Variants in LEKR1 observed in about 807,000 individuals in gnomAD.
LEKR1 encodes the protein leucine, glutamate and lysine rich 1, also known as protein LEKR1.
Under a neutral mutation model 72.4 loss-of-function variants are expected in LEKR1, and 59 were observed. The ratio of observed to expected loss-of-function variants is 0.82; its 90% CI spans 0.66 to 1.01. The LOEUF (loss-of-function observed/expected upper bound fraction) is 1.01. LEKR1 is among the 50% of genes least tolerant of loss of function. The pLI is 0.00. For synonymous variants in LEKR1, 257 were observed against 263.2 expected, an observed-to-expected ratio of 0.98 and a Z score of 0.23; for missense variants, 728 against 759.2, an observed-to-expected ratio of 0.96 and a Z score of 0.48.
intron 3 of LEKR1, among the ~76,000 whole-genome samples, chr3:156,917,163 T>C (rs528183931): frequency 1.3e-5 from 2 of 152,124 alleles, no homozygotes; most frequent in African/African-American, 4.8e-5. Flanking sequence ...ATAGCAGAAG[T>C]TAAAACTTTA....
chr3:157,021,002 T>C (rs1012077369), intron 10 of LEKR1, among the ~76,000 whole-genome samples: 1 of 151,766 alleles, frequency 6.6e-6, no homozygotes, highest in African/African-American at 2.4e-5. Flanking sequence ...CTCATTGTGG[T>C]TTTGATTTGC....
At chr3:156,926,629 C>G (rs1724740733) in intron 4 of LEKR1, among the ~76,000 whole-genome samples, 1 of 151,942 alleles carries the variant, frequency 6.6e-6, no homozygotes, top group Admixed American at 6.6e-5. Flanking sequence ...CCTAGCACTT[C>G]TCACTTTTCC....
intron 6 of LEKR1, among the ~76,000 whole-genome samples, chr3:156,975,782 T>C (rs1169400969): frequency 1.3e-5 from 2 of 152,220 alleles, no homozygotes; most frequent in Admixed American, 1.3e-4. Context: ...CACATCATAG[T>C]AGAATTTACT....
chr3:157,006,917 G>A (rs1290204093), intron 9 of LEKR1, among the ~76,000 whole-genome samples: 1 of 151,990 alleles, frequency 6.6e-6, no homozygotes, highest in Non-Finnish European at 1.5e-5. Flanking sequence ...ATTACAAAGA[G>A]GCGGATGGGC....
chr3:156,899,551 CATATATACATATACATGT>C (rs1232828413), intron 3 of LEKR1, among the ~76,000 whole-genome samples: 44 of 89,166 alleles, frequency 4.9e-4, no homozygotes, highest in East Asian at 2.3e-3. Context: ...CATATATACA[CATATATACATATACATGT>C]ATATATACAT....
At chr3:156,876,239 T>A (rs896954250) in intron 3 of LEKR1, among the ~76,000 whole-genome samples, 8 of 152,220 alleles carry the variant, frequency 5.3e-5, no homozygotes, top group African/African-American at 1.9e-4. Context: ...CATAGCCTTG[T>A]AGTATAGTTT....
At chr3:157,023,546 A>G (rs1039802871) in intron 10 of LEKR1, among the ~76,000 whole-genome samples, 2 of 151,954 alleles carry the variant, frequency 1.3e-5, no homozygotes, top group Non-Finnish European at 2.9e-5. Flanking sequence ...GTGTGGAAGT[A>G]CTCTCCACTG....
intron 3 of LEKR1, among the ~76,000 whole-genome samples, chr3:156,916,554 C>T (rs949603741): frequency 6.6e-6 from 1 of 152,010 alleles, no homozygotes; most frequent in African/African-American, 2.4e-5. Context: ...TGGCTCTTGG[C>T]TTGGCTGTTG....
At chr3:156,832,197 A>G (rs1453679141) in intron 2 of LEKR1, among the ~76,000 whole-genome samples, 1 of 148,740 alleles carries the variant, frequency 6.7e-6, no homozygotes, top group East Asian at 1.9e-4. Context: ...CAGGTGGACT[A>G]TAAGACAAAT....
In LEKR1 at chr3:156,918,943, C is replaced by T. The variant is rs537055463; in HGVS notation, c.264-1632C>T. On this transcript the variant is annotated intron_variant, in intron 3 of 12. Coordinates refer to ENST00000356539, the MANE Select transcript of LEKR1 (RefSeq NM_001004316.3). ...GCATTGTTGCGAGGTACGGCCTCAT[C>T]GGAGGTGTTTGGGTCATAGGGGCAG... Among the ~76,000 whole-genome samples the T allele has an allele frequency of 4.6e-5, 7 of 152,060 alleles. No homozygotes were observed. The South Asian group carries it at 1.0e-3, about 23-fold the overall frequency.
At chr3:156,998,178 A>C (rs1731732339) in intron 9 of LEKR1, among the ~76,000 whole-genome samples, 1 of 152,140 alleles carries the variant, frequency 6.6e-6, no homozygotes, top group Non-Finnish European at 1.5e-5. Flanking sequence ...AACTCTGCCC[A>C]GAACTGTGAA....
chr3:156,986,550 G>T (rs1435354100), intron 7 of LEKR1, among the ~76,000 whole-genome samples: 4 of 152,180 alleles, frequency 2.6e-5, no homozygotes, highest in African/African-American at 7.2e-5. Context: ...TGAAACGAAA[G>T]AATAAAGACG....
intron 12 of LEKR1, among the ~76,000 whole-genome samples, chr3:157,035,783 C>T (rs184808922): frequency 6.8e-4 from 104 of 152,260 alleles, no homozygotes; most frequent in African/African-American, 2.3e-3. Context: ...TCTGTAATCC[C>T]AGCTACTTGG....
intron 6 of LEKR1, among the ~76,000 whole-genome samples, chr3:156,978,211 G>T (rs1729872573): frequency 6.6e-6 from 1 of 150,886 alleles, no homozygotes; most frequent in African/African-American, 2.5e-5. Context: ...TGTTTAGAGT[G>T]AATTTATTTT....
chr3:157,028,283 A>G lies in LEKR1; in HGVS notation c.1549A>G (p.Ser517Gly), dbSNP rs753815032. The G allele has an allele frequency of 6.2e-7, 1 of 1,613,320 alleles. No individual in the cohort carries two copies. Among genetic ancestry groups the G allele is most frequent in the Non-Finnish European group, 8.5e-7 (1 of 1,179,578 alleles). The change falls in exon 12 of 13, where the codon AGT becomes GGT. Residue 517 changes from serine (S) to glycine (G), a missense_variant. Transcript: ENST00000356539. Reference protein sequence around the residue: ...FESRLKKEIDSNDSVSENLRK... With the variant: ...FESRLKKEIDGNDSVSENLRK... ...ATCTCGCTTGAAGAAGGAAATTGAC[A>G]GTAATGATTCAGTTTCAGAAAACTT...
chr3:157,016,345 C>G (rs898935915), intron 10 of LEKR1, among the ~76,000 whole-genome samples: 11 of 151,758 alleles, frequency 7.2e-5, no homozygotes, highest in Non-Finnish European at 1.2e-4. Context: ...TTTAAAAGAC[C>G]TTATATAGAG....
At position 157,045,706 on chromosome 3, in the gene LEKR1, CAG is replaced by C. The variant is rs1560168881; in HGVS notation, c.2039_2040del (p.Arg680ThrfsTer6). 1.2e-6 allele frequency: 2 copies of C among 1,612,624 alleles called. No individual in the cohort carries two copies. Among genetic ancestry groups the C allele is most frequent in the South Asian group, 1.1e-5 (1 of 91,078 alleles). ...AGCATCTTCAGCAAATGAGACTAGA[CAG>C]AGACTGGCTGCCATTCTTAGGAGAA... is the stretch of plus-strand genomic sequence containing the variant. The part of the protein sequence containing the change: ...GGASSANETR[Q>X]RLAAILRRRR... On this transcript the variant is annotated frameshift_variant, in exon 13 of 13. Coordinates refer to ENST00000356539, the MANE Select transcript of LEKR1 (RefSeq NM_001004316.3). LOFTEE classifies it high-confidence loss of function.
chr3:156,933,207 TA>T (rs1249044922), intron 5 of LEKR1, among the ~76,000 whole-genome samples: 1 of 152,238 alleles, frequency 6.6e-6, no homozygotes, highest in African/African-American at 2.4e-5. Flanking sequence ...ATACTTTACA[TA>T]ATTATATTTC....
chr3:157,045,351 T>A lies in LEKR1; in HGVS notation c.1680T>A (p.Leu560=). ...FNQSQEENTF[L]QETVRRECEE... is the part of the protein sequence containing the mutation. ...CTCTCTCTTTTCAGAATACTTTTCT[T>A]CAGGAGACAGTGCGTAGAGAATGTG... The change falls in exon 13 of 13, where the codon CTT becomes CTA. Residue 560 remains leucine (L), a synonymous_variant. Transcript: ENST00000356539. 6.2e-7 allele frequency: 1 copy of A among 1,608,712 alleles called. No homozygotes were observed. The highest frequency in any genetic ancestry group is 8.5e-7 in the Non-Finnish European group (1 of 1,176,360).
Sources: allele counts gnomAD v4.1 joint callset (sites outside exome capture counted in the v4.1 genomes callset), GRCh38; gene constraint gnomAD v4.1.1; transcripts MANE v1.5; gene names NCBI Gene and HGNC (gene_info 2026-07-23, HGNC 2026-07-21).